The following COL20A1 variants were observed in gnomAD, a reference collection of about 807,000 sequenced individuals.
COL20A1 encodes the protein collagen type XX alpha 1 chain.
Under a neutral mutation model 152.9 loss-of-function variants are expected in COL20A1, and 164 were observed. That is an observed-to-expected ratio of 1.07 (90% CI 0.94 to 1.22). The LOEUF (loss-of-function observed/expected upper bound fraction) is 1.22. COL20A1 is among the 50% of genes most tolerant of loss of function. The pLI, the probability that COL20A1 is intolerant of heterozygous loss-of-function variation, is 0.00. For synonymous variants in COL20A1, 864 were observed against 756.0 expected (o/e 1.14, Z -2.34); for missense variants, 1,873 against 1,744.8 (o/e 1.07, Z -1.31).
At position 63,309,870 on chromosome 20, in the gene COL20A1, G is replaced by A. The variant is rs1423068292; in HGVS notation, c.1218G>A (p.Lys406=). The change falls in exon 10 of 36, where the codon AAG becomes AAA. Residue 406 remains lysine, a synonymous_variant. Coordinates refer to ENST00000358894, the MANE Select transcript of COL20A1 (RefSeq NM_020882.4). ...CTCCAGCCCCCCGGCACCCCCTCAA[G>A]TATCTGATCGTTTGGCGAGCCTCTA... The part of the protein sequence containing the change: ...SWTPAPRHPL[K]YLIVWRASRG... 1.9e-5 allele frequency: 30 copies of A among 1,607,660 alleles called. No homozygotes were observed. The Admixed American group carries it at 4.7e-4, about 25-fold the overall frequency.
rs201339591 is a variant in COL20A1, at chr20:63,328,360, G to A, written c.3643G>A (p.Glu1215Lys). The change falls in exon 34 of 36, where the codon GAG becomes AAG. Residue 1215 changes from glutamate (E) to lysine (K), a missense_variant. Transcript: ENST00000358894. ...SHVSKFDSFH[E>K]NTRPPMPILE... ...CGTGTCAAAGTTCGACTCCTTCCACGAGAACACCAGGCCCCCCATGCCCAT... is the reference window on the plus strand; with the variant it reads ...CGTGTCAAAGTTCGACTCCTTCCACAAGAACACCAGGCCCCCCATGCCCAT... 92 of 1,612,554 alleles carry A rather than the reference G, an allele frequency of 5.7e-5. No homozygotes were observed. The highest frequency in any genetic ancestry group is 7.4e-5 in the Non-Finnish European group (87 of 1,179,562).
At chr20:63,304,958 T>C (rs963873367) in intron 3 of COL20A1, among the ~76,000 whole-genome samples, 7 of 152,186 alleles carry the variant, frequency 4.6e-5, no homozygotes, top group East Asian at 1.9e-4. Flanking sequence ...GACCTAACTT[T>C]AGAATCATGG....
In COL20A1 at chr20:63,312,910, C is replaced by T. The variant is rs957147867; in HGVS notation, c.2052C>T (p.Pro684=). 1.3e-5 allele frequency: 20 copies of T among 1,555,694 alleles called. No individual in the cohort carries two copies. In the African/African-American group the frequency reaches 1.4e-4, roughly 11 times the overall value. Residue 684 remains proline, a synonymous_variant, in exon 16 of 36, where the codon CCC becomes CCT. Coordinates refer to ENST00000358894, the MANE Select transcript of COL20A1 (RefSeq NM_020882.4). ...GVLVYQITWT[P]LGEGKAHEIS... is the part of the protein sequence containing the mutation. Reference sequence around the variant, plus strand: ...TTGTCTACCAGATCACGTGGACGCCCCTGGGAGAGGGGAAGGCTCACGAGG... The same window carrying T: ...TTGTCTACCAGATCACGTGGACGCCTCTGGGAGAGGGGAAGGCTCACGAGG...
At chr20:63,328,239 G>A (rs944276979) in intron 33 of COL20A1, 92 bp from the exon 34 acceptor site, 6 of 1,553,034 alleles carry the variant, frequency 3.9e-6, no homozygotes, top group African/African-American at 1.4e-5. Flanking sequence ...CCCATCGTTA[G>A]CACACCTGGG....
rs767672689 is a variant in COL20A1 at position 63,307,548 on chromosome 20, C to T, written c.555C>T (p.Asp185=). ...CTGCTGACATGGTCTTCCTGGTGGA[C>T]GGGTCCTGGAGCATTGGCCACAGTC... The part of the protein sequence containing the change: ...PVPADMVFLV[D]GSWSIGHSHF... Residue 185 remains aspartate, a synonymous_variant, in exon 6 of 36, where the codon GAC becomes GAT. Coordinates refer to ENST00000358894, the MANE Select transcript of COL20A1 (RefSeq NM_020882.4). The T allele has an allele frequency of 1.1e-4, 170 of 1,612,442 alleles. 3 individuals carry two copies. The highest frequency in any genetic ancestry group is 8.2e-4 in the Middle Eastern group (5 of 6,080).
At chr20:63,295,238 C>A in intron 2 of COL20A1, 49 bp downstream of exon 2, 1 of 1,228,914 alleles carries the variant, frequency 8.1e-7, no homozygotes, top group Non-Finnish European at 1.2e-6. Flanking sequence ...CCACGCCTGC[C>A]CCACCAGTGC....
In COL20A1 at chr20:63,309,745, G is replaced by A. The variant is rs752366140; in HGVS notation, c.1106-13G>A. 16 of 1,549,284 alleles carry A rather than the reference G, an allele frequency of 1.0e-5. No homozygotes were observed. The African/African-American group carries it at 1.5e-4, about 15-fold the overall frequency. ...CAGTGACCACCTGCCCCCCACTCCCGCTACTCCAGCAGCAGCGGCTCCAGC... is the reference window on the plus strand; with the variant it reads ...CAGTGACCACCTGCCCCCCACTCCCACTACTCCAGCAGCAGCGGCTCCAGC... On this transcript the variant is annotated splice_polypyrimidine_tract_variant and intron_variant, in intron 9 of 35. Transcript: ENST00000358894.
At chr20:63,293,632 G>A (rs1353905959) in intron 1 of COL20A1, among the ~76,000 whole-genome samples, 1 of 152,124 alleles carries the variant, frequency 6.6e-6, no homozygotes, top group African/African-American at 2.4e-5. Flanking sequence ...CAGGTTTCTG[G>A]GGTGGGAGGA....
chr20:63,299,391 C>T (rs759359362), intron 3 of COL20A1, among the ~76,000 whole-genome samples: 28 of 152,220 alleles, frequency 1.8e-4, no homozygotes, highest in Admixed American at 1.2e-3. Context: ...TGGCAACCAA[C>T]GCTTGGCAGC....
At chr20:63,293,859 G>A (rs1402887737) in intron 1 of COL20A1, among the ~76,000 whole-genome samples, 5 of 128,046 alleles carry the variant, frequency 3.9e-5, no homozygotes, top group Admixed American at 8.5e-5. Context: ...GGATACTGGG[G>A]TCACACACTG....
chr20:63,321,799 T>C (rs1216315766), intron 26 of COL20A1, among the ~76,000 whole-genome samples: 3 of 152,190 alleles, frequency 2.0e-5, no homozygotes, highest in Non-Finnish European at 4.4e-5. Flanking sequence ...ACACTCTCTC[T>C]GAGCTCAGTG....
chr20:63,302,427 T>C (rs1466961307), intron 3 of COL20A1, among the ~76,000 whole-genome samples: 1 of 152,182 alleles, frequency 6.6e-6, no homozygotes. Context: ...TTCAAGCAGT[T>C]CTCCTGCCTC....
chr20:63,313,723 C>A lies in COL20A1; in HGVS notation c.2210-20C>A, dbSNP rs1227597783. ...TTTCTGGAGGGGCCTGAGCCCCACA[C>A]AACCCATGCTCTCGGCCAGCCACGG... is the stretch of plus-strand genomic sequence containing the variant. On this transcript the variant is annotated intron_variant, in intron 17 of 35. Transcript: ENST00000358894. The surrounding 1 kb of genome is among the most constrained non-coding windows in gnomAD (Gnocchi z 5.9). The A allele has an allele frequency of 1.3e-6, 2 of 1,561,008 alleles. No individual in the cohort carries two copies. Among genetic ancestry groups the A allele is most frequent in the Admixed American group, 1.9e-5 (1 of 51,698 alleles).
chr20:63,328,198 A>T (rs1601444911), intron 33 of COL20A1, 71 bp downstream of exon 33: 2 of 1,589,302 alleles, frequency 1.3e-6, no homozygotes, highest in Admixed American at 3.4e-5. Context: ...GTCTGTCCTC[A>T]CACTGGCCAG....
At position 63,316,762 on chromosome 20, in the gene COL20A1, G is replaced by T. The variant is rs376810061; in HGVS notation, c.2663+71G>T. 4.3e-5 allele frequency: 60 copies of T among 1,388,456 alleles called. No individual in the cohort carries two copies. In the East Asian group the frequency reaches 4.7e-4, roughly 11 times the overall value. The allele number at this position is 1,388,456 out of a possible 1,614,324, so 86.0% of individuals were successfully genotyped here. ...CCGCTGAAGATTAGGAGGACATGGTGGGGGGGCGGGCATGGGCCGGAGACC... is the reference window on the plus strand; with the variant it reads ...CCGCTGAAGATTAGGAGGACATGGTTGGGGGGCGGGCATGGGCCGGAGACC... On this transcript the variant is annotated intron_variant, in intron 21 of 35. Transcript: ENST00000358894.
In COL20A1 at chr20:63,312,883, G is replaced by A. The variant is rs1000196661; in HGVS notation, c.2025G>A (p.Val675=). Residue 675 remains valine, a synonymous_variant, in exon 16 of 36, where the codon GTG becomes GTA. Coordinates refer to ENST00000358894, the MANE Select transcript of COL20A1 (RefSeq NM_020882.4). ...LAWVAAAPSG[V]LVYQITWTPL... ...GGGTGGCCGCAGCCCCGTCTGGCGTGCTTGTCTACCAGATCACGTGGACGC... is the reference window on the plus strand; with the variant it reads ...GGGTGGCCGCAGCCCCGTCTGGCGTACTTGTCTACCAGATCACGTGGACGC... The A allele has an allele frequency of 5.8e-6, 9 of 1,557,864 alleles. No homozygotes were observed. The highest frequency in any genetic ancestry group is 1.7e-4 in the Middle Eastern group (1 of 5,988).
rs1427459237 is a variant in COL20A1, at chr20:63,311,220, C to T, written c.1394-174C>T. Among the ~76,000 whole-genome samples the T allele has an allele frequency of 1.3e-5, 2 of 152,230 alleles. No individual in the cohort carries two copies. Among genetic ancestry groups the T allele is most frequent in the Admixed American group, 6.5e-5 (1 of 15,288 alleles). Reference sequence around the variant, plus strand: ...AAACTGTGGGGTGGCCTTGTGTCCCCAGAGCTGGAGCCACAAACCTTGGCC... The same window carrying T: ...AAACTGTGGGGTGGCCTTGTGTCCCTAGAGCTGGAGCCACAAACCTTGGCC... On this transcript the variant is annotated intron_variant, in intron 11 of 35. Coordinates refer to ENST00000358894, the MANE Select transcript of COL20A1 (RefSeq NM_020882.4). The surrounding 1 kb of genome is among the most constrained non-coding windows in gnomAD (Gnocchi z 4.4).
intron 11 of COL20A1, 130 bp downstream of exon 11, chr20:63,310,640 C>A: frequency 9.6e-7 from 1 of 1,042,430 alleles, no homozygotes; most frequent in Non-Finnish European, 1.4e-6. Context: ...TTGGCACCAT[C>A]CCCAGCTTGC....
At position 63,314,259 on chromosome 20, in the gene COL20A1, C is replaced by T. The variant is rs1409728792; in HGVS notation, c.2488+58C>T. 3.4e-6 allele frequency: 5 copies of T among 1,463,076 alleles called. No homozygotes were observed. In the East Asian group the frequency reaches 1.2e-4, roughly 36 times the overall value. The allele number at this position is 1,463,076 out of a possible 1,614,324, so 90.6% of individuals were successfully genotyped here. On this transcript the variant is annotated intron_variant, in intron 19 of 35. Transcript: ENST00000358894. ...GACCCAGCCCCAGCCGGGCCCTAGA[C>T]CCCAGACCCTGCCAGCTCCAGACTC...
Sources: gnomAD v4.1 joint callset for allele counts (sites outside exome capture counted in the v4.1 genomes callset) on GRCh38, gnomAD v4.1.1 for gene constraint, Gnocchi (gnomAD v3.1) non-coding constraint, MANE v1.5 for transcripts, NCBI Gene and HGNC (gene_info 2026-07-23, HGNC 2026-07-21) for gene names.